The following AGBL4 variants were observed in gnomAD, a reference collection of about 807,000 sequenced individuals.
AGBL4 encodes the protein cytosolic carboxypeptidase 6.
In AGBL4, 58 loss-of-function variants were observed where a neutral mutation model predicts 66.4. The observed-to-expected ratio is 0.87, with a 90% CI of 0.71 to 1.09. The LOEUF (loss-of-function observed/expected upper bound fraction) is 1.09. Among genes scored for constraint, AGBL4 ranks in the 50% least tolerant of loss-of-function variants. The probability of loss-of-function intolerance (pLI) is 0.00; values close to 1 mark genes in which losing one functional copy is unlikely to be tolerated. For synonymous variants in AGBL4, 234 were observed against 222.9 expected, an observed-to-expected ratio of 1.05 and a Z score of -0.44; for missense variants, 579 against 631.0, an observed-to-expected ratio of 0.92 and a Z score of 0.88.
chr1:48,814,403 T>C (rs1646126761), intron 6 of AGBL4, among the ~76,000 whole-genome samples: 2 of 152,122 alleles, frequency 1.3e-5, no homozygotes, highest in African/African-American at 4.8e-5. Flanking sequence ...TATATAGTGA[T>C]CAGATCAAGG....
chr1:48,556,360 T>C (rs1197939843), intron 11 of AGBL4, among the ~76,000 whole-genome samples: 1 of 152,182 alleles, frequency 6.6e-6, no homozygotes, highest in Non-Finnish European at 1.5e-5. Flanking sequence ...CTCTCTTTAA[T>C]ATATGCTAAT....
At chr1:49,338,728 C>G (rs191525461) in intron 3 of AGBL4, among the ~76,000 whole-genome samples, 1 of 152,130 alleles carries the variant, frequency 6.6e-6, no homozygotes, top group Non-Finnish European at 1.5e-5. Context: ...GGGGAAATAT[C>G]TGCTCCGATG....
intron 2 of AGBL4, among the ~76,000 whole-genome samples, chr1:49,721,815 G>C (rs1324923596): frequency 1.3e-5 from 2 of 152,082 alleles, no homozygotes; most frequent in East Asian, 3.9e-4. Context: ...CTTACCACTT[G>C]ATAATTTTAT....
chr1:49,709,389 T>C (rs968349616), intron 2 of AGBL4, among the ~76,000 whole-genome samples: 1 of 152,158 alleles, frequency 6.6e-6, no homozygotes, highest in African/African-American at 2.4e-5. Flanking sequence ...AGCCTCAGCA[T>C]GGTGGACGGC....
At chr1:48,846,343 AAAAG>A (rs1235283508) in intron 6 of AGBL4, among the ~76,000 whole-genome samples, 1 of 149,132 alleles carries the variant, frequency 6.7e-6, no homozygotes, top group Admixed American at 6.8e-5. Context: ...TAAGAAAAAG[AAAAG>A]AAAGGAGAAA....
chr1:49,629,435 C>T (rs1379431379), intron 3 of AGBL4, among the ~76,000 whole-genome samples: 8 of 152,132 alleles, frequency 5.3e-5, no homozygotes, highest in Non-Finnish European at 1.5e-5. Flanking sequence ...ATAGCTCTTA[C>T]GCCTTGGGCC....
intron 3 of AGBL4, among the ~76,000 whole-genome samples, chr1:49,552,166 GC>G (rs1226642479): frequency 6.6e-6 from 1 of 152,130 alleles, no homozygotes; most frequent in Non-Finnish European, 1.5e-5. Flanking sequence ...CCTCACAACA[GC>G]CTTGAGTCTG....
intron 2 of AGBL4, among the ~76,000 whole-genome samples, chr1:49,721,786 T>C (rs1040321258): frequency 2.0e-5 from 3 of 152,150 alleles, no homozygotes; most frequent in African/African-American, 7.2e-5. Context: ...TTCAGGTGTT[T>C]GTTAAGGGAT....
intron 6 of AGBL4, among the ~76,000 whole-genome samples, chr1:48,808,376 T>G (rs1383839255): frequency 6.6e-6 from 1 of 152,218 alleles, no homozygotes; most frequent in African/African-American, 2.4e-5. Context: ...CTGCTTTTTT[T>G]GTCAACTAAA....
At chr1:49,125,725 C>T (rs539435151) in intron 4 of AGBL4, among the ~76,000 whole-genome samples, 1 of 152,278 alleles carries the variant, frequency 6.6e-6, no homozygotes, top group East Asian at 1.9e-4. Context: ...AGTATTATCT[C>T]CATTCTCAAA....
intron 12 of AGBL4, among the ~76,000 whole-genome samples, chr1:48,537,141 G>A (rs1298475007): frequency 1.3e-5 from 2 of 152,204 alleles, no homozygotes; most frequent in Non-Finnish European, 2.9e-5. Flanking sequence ...AAAAGGGGAA[G>A]TATTTATATC....
chr1:48,742,698 A>T, intron 6 of AGBL4: 1 of 1,611,610 alleles, frequency 6.2e-7, no homozygotes, highest in Non-Finnish European at 8.5e-7. Context: ...TTGCTTCCTC[A>T]CTGAAAGTGC....
chr1:48,779,633 TTAAAGAAGGACA>T (rs1645240935), intron 6 of AGBL4, among the ~76,000 whole-genome samples: 1 of 151,916 alleles, frequency 6.6e-6, no homozygotes, highest in Non-Finnish European at 1.5e-5. Flanking sequence ...AACAAATGTA[TTAAAGAAGGACA>T]TAAAGAGAGC....
chr1:48,823,009 C>T (rs1413532402), intron 6 of AGBL4, among the ~76,000 whole-genome samples: 1 of 152,176 alleles, frequency 6.6e-6, no homozygotes, highest in African/African-American at 2.4e-5. Context: ...CCTTTTCATT[C>T]CATTGCATTG....
intron 4 of AGBL4, among the ~76,000 whole-genome samples, chr1:49,061,704 GC>G (rs1473708581): frequency 2.0e-5 from 3 of 152,118 alleles, no homozygotes; most frequent in African/African-American, 7.2e-5. Context: ...CAAAGCAAAA[GC>G]CCACAATACA....
chr1:49,479,940 C>A (rs1437296223), intron 3 of AGBL4, among the ~76,000 whole-genome samples: 1 of 151,758 alleles, frequency 6.6e-6, no homozygotes, highest in Non-Finnish European at 1.5e-5. Flanking sequence ...ATCTCCTGAC[C>A]TCGTGATCCA....
intron 1 of AGBL4, among the ~76,000 whole-genome samples, chr1:49,948,027 A>AATATATATAAATATATATAAAT (rs369140618): frequency 1.3e-5 from 1 of 75,876 alleles, no homozygotes; most frequent in African/African-American, 6.9e-5. Context: ...AATATATATA[A>AATATATATAAATATATATAAAT]ATATATATAC....
chr1:48,743,856 TA>T (rs1363781643), intron 6 of AGBL4, among the ~76,000 whole-genome samples: 3 of 152,242 alleles, frequency 2.0e-5, no homozygotes, highest in Non-Finnish European at 2.9e-5. Context: ...AATTTGTTAC[TA>T]AAATTCTTCA....
intron 5 of AGBL4, among the ~76,000 whole-genome samples, chr1:48,909,734 C>G (rs192937008): frequency 2.6e-5 from 4 of 152,156 alleles, no homozygotes; most frequent in Non-Finnish European, 5.9e-5. Context: ...AAGAGAAATA[C>G]GTACGAAACA....
Sources: allele counts gnomAD v4.1 joint callset (sites outside exome capture counted in the v4.1 genomes callset), GRCh38; gene constraint gnomAD v4.1.1; transcripts MANE v1.5; gene names NCBI Gene and HGNC (gene_info 2026-07-23, HGNC 2026-07-21).